Variants in PDE7A observed in about 807,000 individuals in gnomAD.
PDE7A encodes the protein high affinity 3',5'-cyclic-AMP phosphodiesterase 7A.
A neutral mutation model predicts 64.3 loss-of-function variants in PDE7A; 39 were observed. The observed-to-expected ratio is 0.61, with a 90% CI of 0.47 to 0.79. The LOEUF is 0.79. Ranked by LOEUF, PDE7A falls within the 30% of genes least tolerant of loss-of-function variation. PDE7A has a pLI of 0.00. For synonymous variants in PDE7A, 203 were observed against 206.8 expected (o/e 0.98, Z 0.16); for missense variants, 470 against 582.8 (o/e 0.81, Z 1.99).
At chr8:65,789,653 G>T (rs181374985) in intron 1 of PDE7A, among the ~76,000 whole-genome samples, 1 of 152,130 alleles carries the variant, frequency 6.6e-6, no homozygotes, top group East Asian at 1.9e-4. Context: ...TATATTTTTG[G>T]TACAGATCTT....
chr8:65,724,968 C>A, intron 9 of PDE7A, 47 bp from the exon 10 acceptor site: 17 of 1,277,360 alleles, frequency 1.3e-5, no homozygotes, highest in Non-Finnish European at 1.8e-5. Flanking sequence ...TTTCAATTAA[C>A]TATTTATTGA....
intron 1 of PDE7A, among the ~76,000 whole-genome samples, chr8:65,817,855 C>T (rs1250144638): frequency 1.3e-5 from 2 of 151,926 alleles, no homozygotes; most frequent in Non-Finnish European, 2.9e-5. Flanking sequence ...CGGGTTCACG[C>T]CATTCTCCTG....
chr8:65,731,610 T>G (rs1048515806), intron 7 of PDE7A: 12 of 152,174 alleles, frequency 7.9e-5, no homozygotes, highest in Admixed American at 7.9e-4. Context: ...ACAAAATGCT[T>G]TATAATCCAC....
chr8:65,778,468 G>A (rs1468958058), intron 3 of PDE7A, among the ~76,000 whole-genome samples: 1 of 152,160 alleles, frequency 6.6e-6, no homozygotes, highest in Non-Finnish European at 1.5e-5. Context: ...CCATTTTTAA[G>A]CTGTCTGAAC....
At position 65,716,148 on chromosome 8, in the gene PDE7A, C is replaced by CAAA. The variant is rs376045290; in HGVS notation, c.*3139_*3141dup. On this transcript the variant is annotated 3_prime_UTR_variant, in exon 13 of 13. Transcript: ENST00000401827. ...CCTAGTTAGCAGCGAGACCCTGTCTCAAAAAAAAAAAAAAACAAAAGGGCT... is the reference window on the plus strand; with the variant it reads ...CCTAGTTAGCAGCGAGACCCTGTCTCAAAAAAAAAAAAAAAAAACAAAAGGGCT... Among the ~76,000 whole-genome samples, 24 of 88,596 alleles carry CAAA rather than the reference C, an allele frequency of 2.7e-4. No homozygotes were observed. The highest frequency in any genetic ancestry group is 2.3e-3 in the East Asian group (6 of 2,630). 58.1% of individuals were successfully genotyped at this position (88,596 alleles called of 152,430 possible).
intron 6 of PDE7A, among the ~76,000 whole-genome samples, chr8:65,736,794 T>TG (rs1414309293): frequency 1.3e-5 from 2 of 150,862 alleles, no homozygotes; most frequent in African/African-American, 2.4e-5. Flanking sequence ...TTATCTGTTT[T>TG]TTTTTTTTTT....
chr8:65,723,788 T>C lies in PDE7A; in HGVS notation c.1163-167A>G, dbSNP rs1256660350. On this transcript the variant is annotated intron_variant, in intron 11 of 12. Coordinates refer to ENST00000401827, the MANE Select transcript of PDE7A (RefSeq NM_001242318.3). ...TTTAAAATTTTAAGTTATTTACACA[T>C]AGAAGAGATTGCCAAGCTGATATTT... Among the ~76,000 whole-genome samples, 5 of 152,314 alleles carry C rather than the reference T, an allele frequency of 3.3e-5. No individual in the cohort carries two copies. In the East Asian group the frequency reaches 7.7e-4, roughly 23 times the overall value.
intron 1 of PDE7A, among the ~76,000 whole-genome samples, chr8:65,820,620 C>T (rs1425366866): frequency 2.6e-5 from 4 of 152,154 alleles, no homozygotes; most frequent in African/African-American, 7.2e-5. Flanking sequence ...GATGGAGTCT[C>T]GCTCTGTTAC....
intron 12 of PDE7A, chr8:65,721,655 A>C (rs772414720): frequency 2.0e-5 from 3 of 152,180 alleles, no homozygotes; most frequent in Non-Finnish European, 4.4e-5. Context: ...TTACCTTATA[A>C]AAATTACAAT....
At chr8:65,762,654 C>CTA (rs1808563286) in intron 3 of PDE7A, among the ~76,000 whole-genome samples, 2 of 152,182 alleles carry the variant, frequency 1.3e-5, no homozygotes. Context: ...AGAAAAAGCA[C>CTA]TTAAAATTAA....
intron 3 of PDE7A, among the ~76,000 whole-genome samples, chr8:65,765,280 G>A (rs1316794340): frequency 6.6e-6 from 1 of 151,580 alleles, no homozygotes; most frequent in African/African-American, 2.4e-5. Flanking sequence ...ACGAGGTCAG[G>A]AGATCGAGAC....
At position 65,723,532 on chromosome 8, in the gene PDE7A, T is replaced by A; in HGVS notation, c.1243+9A>T. ...TTCTAACCAGCTATATCTAAATATGTATAGTTACCAATCTGGATGTTGGCA... is the reference window on the plus strand; with the variant it reads ...TTCTAACCAGCTATATCTAAATATGAATAGTTACCAATCTGGATGTTGGCA... On this transcript the variant is annotated intron_variant, in intron 12 of 12. Transcript: ENST00000401827. 1 of 1,548,864 alleles carries A rather than the reference T, an allele frequency of 6.5e-7. No individual in the cohort carries two copies. Among genetic ancestry groups the A allele is most frequent in the East Asian group, 2.4e-5 (1 of 42,144 alleles).
chr8:65,782,743 C>A, intron 2 of PDE7A, 40 bp downstream of exon 2: 2 of 1,141,590 alleles, frequency 1.8e-6, no homozygotes, highest in Admixed American at 2.0e-5. Flanking sequence ...CAGGTAATAA[C>A]AAAATTAACT....
At chr8:65,798,207 T>TATATATACATATA (rs552708184) in intron 1 of PDE7A, among the ~76,000 whole-genome samples, 1 of 15,468 alleles carries the variant, frequency 6.5e-5, no homozygotes, top group African/African-American at 2.1e-4. Flanking sequence ...TATATATATA[T>TATATATACATATA]TTTTTTTTTT....
At chr8:65,725,250 C>T in intron 9 of PDE7A, 1 of 168,292 alleles carries the variant, frequency 5.9e-6, no homozygotes, top group African/African-American at 2.4e-5. Flanking sequence ...GAGAAAGTTC[C>T]TTGCTGGGAT....
At chr8:65,813,429 A>G (rs1033935805) in intron 1 of PDE7A, among the ~76,000 whole-genome samples, 6 of 152,196 alleles carry the variant, frequency 3.9e-5, no homozygotes, top group Non-Finnish European at 7.3e-5. Flanking sequence ...ATGAAATCCT[A>G]GTTTTTCAAA....
intron 1 of PDE7A, among the ~76,000 whole-genome samples, chr8:65,834,861 C>G (rs983242270): frequency 6.6e-6 from 1 of 152,198 alleles, no homozygotes; most frequent in Non-Finnish European, 1.5e-5. Context: ...TAAAAGGAAC[C>G]TACCAGCAGC....
chr8:65,788,925 A>T, intron 1 of PDE7A: 1 of 1,613,442 alleles, frequency 6.2e-7, no homozygotes, highest in Non-Finnish European at 8.5e-7. Flanking sequence ...CAGACACCAG[A>T]TCAATGTAAT....
intron 6 of PDE7A, among the ~76,000 whole-genome samples, chr8:65,738,162 C>T (rs536213573): frequency 2.2e-4 from 34 of 151,490 alleles, no homozygotes; most frequent in East Asian, 5.8e-4. Context: ...TAAAAAAAAA[C>T]GATGTATACA....
Sources: allele counts gnomAD v4.1 joint callset (sites outside exome capture counted in the v4.1 genomes callset), GRCh38; gene constraint gnomAD v4.1.1; transcripts MANE v1.5; gene names NCBI Gene and HGNC (gene_info 2026-07-23, HGNC 2026-07-21).